Variants in REC114 observed in about 807,000 individuals in gnomAD.
REC114 encodes the protein meiotic recombination protein REC114.
Under a neutral mutation model 31.3 loss-of-function variants are expected in REC114, and 27 were observed. The ratio of observed to expected loss-of-function variants is 0.86; its 90% confidence interval spans 0.64 to 1.19. The LOEUF (loss-of-function observed/expected upper bound fraction) is 1.19. Ranked by LOEUF, REC114 falls within the 50% of genes most tolerant of loss-of-function variation. REC114 has a pLI of 0.00. For missense variants in REC114, 344 were observed against 326.9 expected, an observed-to-expected ratio of 1.05 and a Z score of -0.40; for synonymous variants, 134 against 127.7, an observed-to-expected ratio of 1.05 and a Z score of -0.33.
chr15:73,462,941 C>G (rs1372991702), intron 1 of REC114, among the ~76,000 whole-genome samples: 1 of 150,956 alleles, frequency 6.6e-6, no homozygotes, highest in African/African-American at 2.5e-5. Context: ...TTCATCTACA[C>G]CCTATCCACT....
intron 2 of REC114, among the ~76,000 whole-genome samples, chr15:73,526,802 T>C (rs72741469): frequency 1.3e-5 from 2 of 152,336 alleles, no homozygotes; most frequent in African/African-American, 2.4e-5. Context: ...ATTGTGACTT[T>C]TACATTGCTG....
rs1595884768 is a variant in REC114, at chr15:73,556,382, G to A, written c.627G>A (p.Gln209=). The A allele has an allele frequency of 1.2e-6, 2 of 1,613,356 alleles. No homozygotes were observed. Among genetic ancestry groups the A allele is most frequent in the East Asian group, 4.5e-5 (2 of 44,860 alleles). Residue 209 remains glutamine (Q), a synonymous_variant, in exon 5 of 6, where the codon CAG becomes CAA. Coordinates refer to ENST00000331090, the MANE Select transcript of REC114 (RefSeq NM_001042367.2). Reference sequence around the variant, plus strand: ...CAGACGGAAGGACCTCACTGACGCAGTTAGCTCAGGTAGAGCTTATTTCTG... The same window carrying A: ...CAGACGGAAGGACCTCACTGACGCAATTAGCTCAGGTAGAGCTTATTTCTG... ...GAPDGRTSLT[Q]LAQTLLASEE...
intron 2 of REC114, among the ~76,000 whole-genome samples, chr15:73,477,477 T>A (rs1206074658): frequency 6.6e-6 from 1 of 152,180 alleles, no homozygotes; most frequent in Non-Finnish European, 1.5e-5. Context: ...AGTACAGTGG[T>A]GTGATCATAG....
At chr15:73,471,576 T>C (rs1406270797) in intron 1 of REC114, among the ~76,000 whole-genome samples, 5 of 152,090 alleles carry the variant, frequency 3.3e-5, no homozygotes, top group African/African-American at 4.8e-5. Flanking sequence ...ATTGGGTGAT[T>C]AAATGTAGCA....
intron 1 of REC114, among the ~76,000 whole-genome samples, chr15:73,468,224 C>A (rs1555485589): frequency 1.3e-5 from 2 of 152,136 alleles, no homozygotes; most frequent in Non-Finnish European, 2.9e-5. Context: ...ATTAAATCTT[C>A]CTATCTGTGA....
intron 2 of REC114, among the ~76,000 whole-genome samples, chr15:73,501,204 A>G (rs766702504): frequency 2.0e-5 from 3 of 152,238 alleles, no homozygotes; most frequent in Non-Finnish European, 2.9e-5. Context: ...CAGCACATCT[A>G]TGAAGGTGTG....
At chr15:73,479,237 C>A (rs1402085121) in intron 2 of REC114, among the ~76,000 whole-genome samples, 1 of 150,486 alleles carries the variant, frequency 6.6e-6, no homozygotes, top group Non-Finnish European at 1.5e-5. Flanking sequence ...GGGAAGTTCC[C>A]TTCTATTCCT....
intron 2 of REC114, among the ~76,000 whole-genome samples, chr15:73,492,369 A>G (rs778733116): frequency 2.0e-5 from 3 of 152,256 alleles, no homozygotes; most frequent in Non-Finnish European, 4.4e-5. Context: ...CATTTTGTGA[A>G]TATATAACAA....
At chr15:73,471,519 G>C (rs941323890) in intron 1 of REC114, among the ~76,000 whole-genome samples, 1 of 152,052 alleles carries the variant, frequency 6.6e-6, no homozygotes, top group Non-Finnish European at 1.5e-5. Flanking sequence ...TCAAGTTAGG[G>C]GCTGTTAATT....
chr15:73,523,352 G>C (rs1893962605), intron 2 of REC114, among the ~76,000 whole-genome samples: 1 of 152,032 alleles, frequency 6.6e-6, no homozygotes. Flanking sequence ...TACAGAAATT[G>C]GAAGTGAGGT....
chr15:73,462,333 T>A (rs1418880250), intron 1 of REC114, among the ~76,000 whole-genome samples: 2 of 149,956 alleles, frequency 1.3e-5, no homozygotes, highest in Non-Finnish European at 2.9e-5. Flanking sequence ...AATAAGCAAT[T>A]TTTTTTTCTC....
chr15:73,552,458 GT>G (rs1894406366), intron 4 of REC114, among the ~76,000 whole-genome samples: 1 of 152,192 alleles, frequency 6.6e-6, no homozygotes, highest in African/African-American at 2.4e-5. Flanking sequence ...TTAACGTAAA[GT>G]GGGTTTATTA....
At chr15:73,528,780 CTG>C (rs1330185415) in intron 2 of REC114, among the ~76,000 whole-genome samples, 1 of 152,098 alleles carries the variant, frequency 6.6e-6, no homozygotes, top group Non-Finnish European at 1.5e-5. Flanking sequence ...GTGCAGGAGT[CTG>C]TACAATCAAA....
At chr15:73,552,792 C>T (rs1894410086) in intron 4 of REC114, among the ~76,000 whole-genome samples, 1 of 152,102 alleles carries the variant, frequency 6.6e-6, no homozygotes, top group Non-Finnish European at 1.5e-5. Flanking sequence ...AACCAAAACA[C>T]CTCATTTTTG....
intron 2 of REC114, among the ~76,000 whole-genome samples, chr15:73,514,303 C>T (rs868514955): frequency 3.3e-5 from 5 of 151,708 alleles, no homozygotes; most frequent in Admixed American, 1.3e-4. Context: ...TGCTTCGGCT[C>T]GCGCACGGTG....
At chr15:73,455,948 G>A (rs1321104293) in intron 1 of REC114, among the ~76,000 whole-genome samples, 1 of 152,140 alleles carries the variant, frequency 6.6e-6, no homozygotes, top group African/African-American at 2.4e-5. Flanking sequence ...TTGAGAGGCA[G>A]GGGTTTAGAA....
In REC114 at chr15:73,457,191, C is replaced by A. The variant is rs1892927448; in HGVS notation, c.159+13847C>A. Among the ~76,000 whole-genome samples, 5 of 150,308 alleles carry A rather than the reference C, an allele frequency of 3.3e-5. No individual in the cohort carries two copies. The South Asian group carries it at 1.1e-3, about 32-fold the overall frequency. On this transcript the variant is annotated intron_variant, in intron 1 of 5. Transcript: ENST00000331090. Reference sequence around the variant, plus strand: ...GGACTAGGGCTAATTTTTCCCACTTCTGAGGCAAAGCTCTTGAATATTCTA... The same window carrying A: ...GGACTAGGGCTAATTTTTCCCACTTATGAGGCAAAGCTCTTGAATATTCTA...
At chr15:73,521,593 A>G (rs1464245691) in intron 2 of REC114, among the ~76,000 whole-genome samples, 1 of 152,178 alleles carries the variant, frequency 6.6e-6, no homozygotes, top group Non-Finnish European at 1.5e-5. Context: ...ACCCTTACAA[A>G]GACTAATTTC....
intron 1 of REC114, among the ~76,000 whole-genome samples, chr15:73,448,098 TG>T (rs1049750815): frequency 3.4e-5 from 5 of 148,542 alleles, no homozygotes; most frequent in East Asian, 3.9e-4. Flanking sequence ...GGAGTTTGTT[TG>T]TTTTTTTTTT....
Sources: gnomAD v4.1 joint callset for allele counts (sites outside exome capture counted in the v4.1 genomes callset) on GRCh38, gnomAD v4.1.1 for gene constraint, MANE v1.5 for transcripts, NCBI Gene and HGNC (gene_info 2026-07-23, HGNC 2026-07-21) for gene names.